NRXN3: variants seen among roughly 807,000 people sequenced by gnomAD.
NRXN3 encodes neurexin III.
In NRXN3, 32 loss-of-function variants were observed where a neutral mutation model predicts 137.6. The ratio of observed to expected loss-of-function variants is 0.23; its 90% CI spans 0.18 to 0.31. The LOEUF (loss-of-function observed/expected upper bound fraction) is 0.31. Among genes scored for constraint, NRXN3 ranks in the 10% least tolerant of loss-of-function variants. NRXN3 has a pLI of 1.00. For synonymous variants in NRXN3, 798 were observed against 784.5 expected (o/e 1.02, Z -0.29); for missense variants, 1,574 against 2,062.5 (o/e 0.76, Z 4.59).
At chr14:78,323,209 T>C (rs1408619936) in intron 4 of NRXN3, among the ~76,000 whole-genome samples, 3 of 152,076 alleles carry the variant, frequency 2.0e-5, no homozygotes, top group Non-Finnish European at 2.9e-5. Context: ...ATAAAAGTAT[T>C]ACTTTCATTT....
chr14:79,368,846 G>A (rs2093990086), intron 15 of NRXN3, among the ~76,000 whole-genome samples: 1 of 152,228 alleles, frequency 6.6e-6, no homozygotes, highest in Non-Finnish European at 1.5e-5. Context: ...ATCCCCATTA[G>A]TGAATTTGCT....
intron 10 of NRXN3, among the ~76,000 whole-genome samples, chr14:78,944,274 C>T (rs1159894803): frequency 6.6e-6 from 1 of 152,172 alleles, no homozygotes; most frequent in Non-Finnish European, 1.5e-5. Flanking sequence ...GAGCACTGGA[C>T]TGGGAGTCAG....
At chr14:79,635,944 G>A (rs918547277) in intron 16 of NRXN3, among the ~76,000 whole-genome samples, 4 of 152,178 alleles carry the variant, frequency 2.6e-5, no homozygotes, top group Non-Finnish European at 5.9e-5. Context: ...CATGAGAACA[G>A]CATGGGGGAA....
At chr14:79,541,548 G>T (rs2097272833) in intron 16 of NRXN3, among the ~76,000 whole-genome samples, 1 of 152,060 alleles carries the variant, frequency 6.6e-6, no homozygotes, top group Non-Finnish European at 1.5e-5. Flanking sequence ...CTTTTGGGGA[G>T]ACACTATTTA....
chr14:79,021,117 G>A (rs753419271), intron 15 of NRXN3, among the ~76,000 whole-genome samples: 1 of 151,944 alleles, frequency 6.6e-6, no homozygotes, highest in Non-Finnish European at 1.5e-5. Context: ...GTGATCCAGG[G>A]ACTATGTTGG....
rs2091701999 is a variant in NRXN3, at chr14:79,331,704, A to AAAGG, written c.3263-135516_3263-135515insAGGA. On this transcript the variant is annotated intron_variant, in intron 15 of 20. Coordinates refer to ENST00000335750, the MANE Select transcript of NRXN3 (RefSeq NM_001330195.2). Reference sequence around the variant, plus strand: ...TCCCATGTAAGTGTATTTTGCAAGAAATTTTCACACTATGAAATAATTGGT... The same window carrying AAAGG: ...TCCCATGTAAGTGTATTTTGCAAGAAAAGGATTTTCACACTATGAAATAATTGGT... Among the ~76,000 whole-genome samples the AAAGG allele has an allele frequency of 3.3e-5, 5 of 152,140 alleles. No homozygotes were observed. The South Asian group carries it at 1.0e-3, about 32-fold the overall frequency.
intron 4 of NRXN3, among the ~76,000 whole-genome samples, chr14:78,480,729 A>T (rs2153738802): frequency 6.6e-6 from 1 of 152,318 alleles, no homozygotes; most frequent in Non-Finnish European, 1.5e-5. Flanking sequence ...TTTCTCATTT[A>T]CATATTGTGC....
At chr14:78,513,741 C>T (rs573097398) in intron 4 of NRXN3, among the ~76,000 whole-genome samples, 1 of 152,014 alleles carries the variant, frequency 6.6e-6, no homozygotes, top group African/African-American at 2.4e-5. Flanking sequence ...GCTCATAGAC[C>T]AAACCCCATC....
chr14:79,602,071 G>A (rs1056880061), intron 16 of NRXN3, among the ~76,000 whole-genome samples: 2 of 152,086 alleles, frequency 1.3e-5, no homozygotes, highest in South Asian at 2.1e-4. Flanking sequence ...CACTGATCAG[G>A]CTAAATACAA....
chr14:79,568,562 A>G (rs933166703), intron 16 of NRXN3, among the ~76,000 whole-genome samples: 3 of 152,160 alleles, frequency 2.0e-5, no homozygotes, highest in Admixed American at 6.5e-5. Context: ...GTACCAGTCT[A>G]AAAGGCCCCA....
chr14:79,044,312 A>G (rs886269868), intron 15 of NRXN3, among the ~76,000 whole-genome samples: 5 of 152,224 alleles, frequency 3.3e-5, no homozygotes, highest in East Asian at 1.9e-4. Flanking sequence ...TTTTTGAGCC[A>G]GAGTTCCCTG....
At chr14:79,713,644 A>G (rs1369135940) in intron 19 of NRXN3, among the ~76,000 whole-genome samples, 2 of 145,334 alleles carry the variant, frequency 1.4e-5, no homozygotes, top group Non-Finnish European at 3.0e-5. Flanking sequence ...AGCTATCACT[A>G]CACAATTCCA....
chr14:79,193,637 C>A (rs2064726520), intron 15 of NRXN3, among the ~76,000 whole-genome samples: 1 of 151,888 alleles, frequency 6.6e-6, no homozygotes, highest in African/African-American at 2.4e-5. Flanking sequence ...TCCAAATGGC[C>A]AAAGTAACTA....
chr14:79,333,538 G>A (rs189995732), intron 15 of NRXN3, among the ~76,000 whole-genome samples: 7 of 152,214 alleles, frequency 4.6e-5, no homozygotes, highest in Admixed American at 4.6e-4. Context: ...TCCCACCATT[G>A]GAGAAGGGCC....
At chr14:78,623,081 A>G (rs1410421302) in intron 4 of NRXN3, among the ~76,000 whole-genome samples, 1 of 152,216 alleles carries the variant, frequency 6.6e-6, no homozygotes, top group Admixed American at 6.5e-5. Flanking sequence ...TAAAGAGATT[A>G]AGTAATTTGC....
At chr14:79,220,845 G>C (rs1054565391) in intron 15 of NRXN3, among the ~76,000 whole-genome samples, 11 of 151,920 alleles carry the variant, frequency 7.2e-5, no homozygotes, top group African/African-American at 1.2e-4. Context: ...ATGGTGGTTT[G>C]CTGCACCCAT....
At chr14:78,269,618 A>G (rs1373972360) in intron 2 of NRXN3, among the ~76,000 whole-genome samples, 2 of 152,188 alleles carry the variant, frequency 1.3e-5, no homozygotes, top group East Asian at 1.9e-4. Context: ...TTTTATCACA[A>G]TTCAAGAAAA....
At chr14:78,369,614 T>C (rs8011578) in intron 4 of NRXN3, among the ~76,000 whole-genome samples, 150,682 of 152,286 alleles carry the variant, frequency 0.99, 74,564 homozygotes, top group East Asian at 1. Flanking sequence ...CCACCCTAGG[T>C]GATGTGTTTT....
intron 4 of NRXN3, among the ~76,000 whole-genome samples, chr14:78,534,188 T>A (rs2096506860): frequency 3.3e-5 from 5 of 152,228 alleles, no homozygotes; most frequent in African/African-American, 1.2e-4. Context: ...TGGGAGATAA[T>A]GAGGCAACAT....
Sources: allele counts gnomAD v4.1 joint callset (sites outside exome capture counted in the v4.1 genomes callset), GRCh38; gene constraint gnomAD v4.1.1; transcripts MANE v1.5; gene names NCBI Gene and HGNC (gene_info 2026-07-23, HGNC 2026-07-21).